Variants in RABGAP1 observed in about 807,000 individuals in gnomAD.
The protein encoded by RABGAP1 is RAB GTPase activating protein 1.
In RABGAP1, 23 loss-of-function variants were observed where a neutral mutation model predicts 137.6. The observed-to-expected ratio is 0.17, with a 90% CI of 0.12 to 0.24. The LOEUF (loss-of-function observed/expected upper bound fraction) is 0.24, where lower values mean the gene tolerates loss of function less well. Among genes scored for constraint, RABGAP1 ranks in the 10% least tolerant of loss-of-function variants. The pLI is 1.00. For missense variants in RABGAP1, 906 were observed against 1,275.8 expected, an observed-to-expected ratio of 0.71 and a Z score of 4.42; for synonymous variants, 451 against 450.7, an observed-to-expected ratio of 1.00 and a Z score of -0.01.
intron 10 of RABGAP1, among the ~76,000 whole-genome samples, chr9:123,006,594 T>C (rs971182538): frequency 6.6e-6 from 1 of 152,108 alleles, no homozygotes; most frequent in Non-Finnish European, 1.5e-5. Flanking sequence ...TGTAATTATG[T>C]AGACTTTATT....
chr9:123,076,408 T>G, intron 18 of RABGAP1, 122 bp downstream of exon 18: 1 of 1,228,806 alleles, frequency 8.1e-7, no homozygotes, highest in Non-Finnish European at 1.1e-6. Context: ...AGTGGATGTA[T>G]GCAGGTGGCT....
intron 13 of RABGAP1, among the ~76,000 whole-genome samples, chr9:123,039,599 G>A (rs933308514): frequency 2.0e-5 from 3 of 152,112 alleles, no homozygotes; most frequent in Non-Finnish European, 2.9e-5. Flanking sequence ...TTGGTATCAA[G>A]AGATTAATGT....
intron 19 of RABGAP1, among the ~76,000 whole-genome samples, chr9:123,077,154 TTTTG>T: frequency 2.0e-5 from 2 of 99,226 alleles, no homozygotes; most frequent in East Asian, 4.2e-4. Context: ...TGTGCTGGTT[TTTTG>T]TTTTTGTTTT....
At chr9:122,985,939 T>G (rs1217943421) in intron 3 of RABGAP1, among the ~76,000 whole-genome samples, 1 of 152,220 alleles carries the variant, frequency 6.6e-6, no homozygotes, top group East Asian at 1.9e-4. Flanking sequence ...TTAAGTGTCA[T>G]GTAGGTACTC....
intron 13 of RABGAP1, among the ~76,000 whole-genome samples, chr9:123,027,108 CTTTT>C (rs71388345): frequency 1.0e-5 from 1 of 100,058 alleles, no homozygotes; most frequent in Non-Finnish European, 2.2e-5. Context: ...TCTTTCTTTT[CTTTT>C]TTTTTTTTTT....
intron 15 of RABGAP1, among the ~76,000 whole-genome samples, chr9:123,072,087 G>GTGGATTT (rs1189498011): frequency 4.6e-5 from 7 of 152,190 alleles, no homozygotes; most frequent in Admixed American, 4.6e-4. Context: ...CGGAAGTGTT[G>GTGGATTT]TGGATTTTGG....
chr9:122,954,713 G>A (rs1354466195), intron 1 of RABGAP1, among the ~76,000 whole-genome samples: 2 of 152,114 alleles, frequency 1.3e-5, no homozygotes, highest in Middle Eastern at 3.2e-3. Context: ...AAAAGATAAA[G>A]ACTCCTTTAC....
At chr9:123,051,070 T>G (rs1408011768) in intron 13 of RABGAP1, among the ~76,000 whole-genome samples, 2 of 151,426 alleles carry the variant, frequency 1.3e-5, no homozygotes, top group Non-Finnish European at 2.9e-5. Flanking sequence ...GTGGTCAGCC[T>G]TGAAGAAAAA....
intron 25 of RABGAP1, among the ~76,000 whole-genome samples, chr9:123,102,493 T>G (rs1334303658): frequency 6.6e-6 from 1 of 152,140 alleles, no homozygotes; most frequent in Non-Finnish European, 1.5e-5. Flanking sequence ...CCTGGTAGTG[T>G]GACTACCCGG....
chr9:123,015,092 C>T (rs1027008802), intron 11 of RABGAP1, among the ~76,000 whole-genome samples: 5 of 152,124 alleles, frequency 3.3e-5, no homozygotes, highest in African/African-American at 1.2e-4. Context: ...ACATAAATGT[C>T]AACATGCAAT....
chr9:122,953,599 C>G (rs1834364483), intron 1 of RABGAP1, among the ~76,000 whole-genome samples: 2 of 152,202 alleles, frequency 1.3e-5, no homozygotes, highest in South Asian at 2.1e-4. Context: ...TGAGGTTTCA[C>G]TGTGTTGGCC....
intron 13 of RABGAP1, among the ~76,000 whole-genome samples, chr9:123,055,583 C>T (rs1235338289): frequency 2.3e-5 from 3 of 131,658 alleles, no homozygotes; most frequent in Non-Finnish European, 4.7e-5. Flanking sequence ...GAGTTTAGCT[C>T]TTGTCGCCCA....
At chr9:122,941,419 G>A (rs1833558016) in intron 1 of RABGAP1, among the ~76,000 whole-genome samples, 1 of 152,204 alleles carries the variant, frequency 6.6e-6, no homozygotes, top group South Asian at 2.1e-4. Flanking sequence ...CAGCAAAGCC[G>A]GTTTGTGTCT....
chr9:122,967,856 A>G (rs1835252650), intron 2 of RABGAP1, among the ~76,000 whole-genome samples: 1 of 151,632 alleles, frequency 6.6e-6, no homozygotes. Context: ...CCTCCTGAGT[A>G]GCTGGGATCA....
At chr9:123,069,905 T>C (rs752422289) in intron 14 of RABGAP1, among the ~76,000 whole-genome samples, 8 of 152,090 alleles carry the variant, frequency 5.3e-5, no homozygotes, top group Middle Eastern at 3.4e-3. Context: ...TAAAATGCAA[T>C]GTGGTAATAA....
chr9:122,958,950 A>G (rs998671682), intron 2 of RABGAP1, among the ~76,000 whole-genome samples: 1 of 152,206 alleles, frequency 6.6e-6, no homozygotes, highest in African/African-American at 2.4e-5. Flanking sequence ...TGGAGGCTGC[A>G]GTGAACCATG....
chr9:122,958,030 A>C (rs535462663), intron 2 of RABGAP1, among the ~76,000 whole-genome samples: 135 of 152,142 alleles, frequency 8.9e-4, no homozygotes, highest in African/African-American at 2.9e-3. Context: ...TTATGAAAGC[A>C]CTCCCAGGTT....
intron 13 of RABGAP1, among the ~76,000 whole-genome samples, chr9:123,047,127 TTTGTG>T (rs2033240253): frequency 6.6e-6 from 1 of 152,192 alleles, no homozygotes; most frequent in Non-Finnish European, 1.5e-5. Flanking sequence ...CAGAGTTTGG[TTTGTG>T]TTAAGTAAAA....
At chr9:122,946,735 T>G (rs1183188460) in intron 1 of RABGAP1, among the ~76,000 whole-genome samples, 5 of 152,168 alleles carry the variant, frequency 3.3e-5, no homozygotes, top group African/African-American at 1.2e-4. Flanking sequence ...TGGAAAAAAT[T>G]AAAGTGTGTT....
Sources: gnomAD v4.1 joint callset for allele counts (sites outside exome capture counted in the v4.1 genomes callset) on GRCh38, gnomAD v4.1.1 for gene constraint, MANE v1.5 for transcripts, NCBI Gene and HGNC (gene_info 2026-07-23, HGNC 2026-07-21) for gene names.